Variants in PRKG1 observed in about 807,000 individuals in gnomAD.
The protein encoded by PRKG1 is cGMP-dependent protein kinase 1.
A neutral mutation model predicts 88.1 loss-of-function variants in PRKG1; 35 were observed. That is an observed-to-expected ratio of 0.40 (90% CI 0.30 to 0.53). PRKG1 has a LOEUF of 0.53. PRKG1 is among the 20% of genes least tolerant of loss of function. The pLI, the probability that PRKG1 is intolerant of heterozygous loss-of-function variation, is 0.59. For missense variants in PRKG1, 540 were observed against 839.8 expected, an observed-to-expected ratio of 0.64 and a Z score of 4.41; for synonymous variants, 303 against 292.5, an observed-to-expected ratio of 1.04 and a Z score of -0.37.
intron 5 of PRKG1, among the ~76,000 whole-genome samples, chr10:51,953,968 A>G (rs937253557): frequency 2.0e-5 from 3 of 152,148 alleles, no homozygotes; most frequent in African/African-American, 4.8e-5. Context: ...TTATTAATCC[A>G]TTTTAGGATT....
intron 3 of PRKG1, among the ~76,000 whole-genome samples, chr10:51,662,283 G>T (rs1290207868): frequency 1.3e-5 from 2 of 152,064 alleles, no homozygotes; most frequent in African/African-American, 4.8e-5. Flanking sequence ...GCATTTAATT[G>T]TGTGGATAAG....
chr10:51,488,452 A>G (rs1840607657), intron 3 of PRKG1, among the ~76,000 whole-genome samples: 1 of 152,154 alleles, frequency 6.6e-6, no homozygotes, highest in Admixed American at 6.6e-5. Flanking sequence ...ATTACATTTC[A>G]GGAATTAGAT....
chr10:51,628,965 CA>C (rs199634329), intron 3 of PRKG1, among the ~76,000 whole-genome samples: 19 of 98,442 alleles, frequency 1.9e-4, no homozygotes, highest in Admixed American at 5.8e-4. Flanking sequence ...GACTCCGTCT[CA>C]AAAAAAAAAA....
chr10:51,086,755 A>G (rs919170400), intron 1 of PRKG1, among the ~76,000 whole-genome samples: 1 of 152,148 alleles, frequency 6.6e-6, no homozygotes, highest in Non-Finnish European at 1.5e-5. Context: ...AACACTGATC[A>G]TCAAAGAGGA....
chr10:52,024,991 CTT>C lies in PRKG1; in HGVS notation c.763-29492_763-29491del, dbSNP rs886377918. ...TTTCTCCACATCCTCTCCAACATCTCTTGTTTCCGGACTTTTTAATGATCGCC... is the reference window on the plus strand; with the variant it reads ...TTTCTCCACATCCTCTCCAACATCTCGTTTCCGGACTTTTTAATGATCGCC... On this transcript the variant is annotated intron_variant, in intron 5 of 17. Transcript: ENST00000373980. Among the ~76,000 whole-genome samples the C allele has an allele frequency of 1.3e-3, 191 of 152,194 alleles. 1 individual carries two copies. Among genetic ancestry groups the C allele is most frequent in the African/African-American group, 4.5e-3 (185 of 41,536 alleles).
intron 1 of PRKG1, among the ~76,000 whole-genome samples, chr10:51,025,707 A>C (rs936392445): frequency 2.0e-5 from 3 of 152,134 alleles, no homozygotes; most frequent in Non-Finnish European, 4.4e-5. Flanking sequence ...GTCAGGCTGA[A>C]ACTGTTCCAG....
rs1055653430 is a variant in PRKG1 at position 52,260,439 on chromosome 10, T to G, written c.1173+8773T>G. ...CCACATGTCAGAAAGAGAGTTGAAT[T>G]TCACAGTATGTGATCCTCTGTTTCA... On this transcript the variant is annotated intron_variant, in intron 10 of 17. Coordinates refer to ENST00000373980, the MANE Select transcript of PRKG1 (RefSeq NM_006258.4). Among the ~76,000 whole-genome samples the G allele has an allele frequency of 3.5e-4, 53 of 152,126 alleles. 1 individual carries two copies. Among genetic ancestry groups the G allele is most frequent in the Admixed American group, 1.3e-4 (2 of 15,234 alleles).
intron 1 of PRKG1, among the ~76,000 whole-genome samples, chr10:51,011,010 A>T (rs901830398): frequency 2.0e-5 from 3 of 152,212 alleles, no homozygotes; most frequent in African/African-American, 7.2e-5. Context: ...CAGGGGTTGA[A>T]GGATAATTAT....
chr10:52,063,460 C>T (rs11000655), intron 7 of PRKG1, among the ~76,000 whole-genome samples: 2 of 152,096 alleles, frequency 1.3e-5, no homozygotes, highest in South Asian at 4.1e-4. Context: ...TCTGGGCCCC[C>T]CAAAGGGCTG....
intron 2 of PRKG1, among the ~76,000 whole-genome samples, chr10:51,290,725 C>G (rs914617505): frequency 6.6e-6 from 1 of 152,054 alleles, no homozygotes; most frequent in African/African-American, 2.4e-5. Context: ...GGCAGTCTAC[C>G]AAAGACATTT....
intron 2 of PRKG1, among the ~76,000 whole-genome samples, chr10:51,255,745 T>A (rs1475662176): frequency 6.6e-6 from 1 of 152,118 alleles, no homozygotes; most frequent in Non-Finnish European, 1.5e-5. Context: ...ATGCCAGAGA[T>A]GAGCAAATAC....
chr10:52,133,301 T>C (rs189771890), intron 7 of PRKG1, among the ~76,000 whole-genome samples: 149 of 152,214 alleles, frequency 9.8e-4, no homozygotes, highest in East Asian at 5.0e-3. Context: ...TGTCAAATGC[T>C]CTTGAAGAAC....
intron 3 of PRKG1, among the ~76,000 whole-genome samples, chr10:51,676,569 C>A (rs1025508881): frequency 6.6e-6 from 1 of 151,930 alleles, no homozygotes; most frequent in Non-Finnish European, 1.5e-5. Context: ...AGTGAAGAAC[C>A]AATCAGCAGC....
At chr10:51,895,529 T>C (rs1430073601) in intron 4 of PRKG1, among the ~76,000 whole-genome samples, 1 of 152,140 alleles carries the variant, frequency 6.6e-6, no homozygotes, top group Non-Finnish European at 1.5e-5. Flanking sequence ...TTCTGTGTGT[T>C]TGGAGTGGAC....
chr10:51,257,535 G>A (rs932847727), intron 2 of PRKG1, among the ~76,000 whole-genome samples: 2 of 152,154 alleles, frequency 1.3e-5, no homozygotes, highest in South Asian at 2.1e-4. Flanking sequence ...CAGGAACAGC[G>A]CTGGCTTTAG....
At chr10:52,121,863 C>A (rs2132612717) in intron 7 of PRKG1, among the ~76,000 whole-genome samples, 1 of 152,292 alleles carries the variant, frequency 6.6e-6, no homozygotes, top group Non-Finnish European at 1.5e-5. Context: ...CTGTTCACAG[C>A]AGTCTCGATT....
chr10:51,996,429 T>C (rs1844445510), intron 5 of PRKG1, among the ~76,000 whole-genome samples: 1 of 147,070 alleles, frequency 6.8e-6, no homozygotes. Flanking sequence ...CTCAACTCAA[T>C]AGTAATAAAG....
chr10:52,258,539 G>T (rs768352311), intron 10 of PRKG1, among the ~76,000 whole-genome samples: 28 of 151,812 alleles, frequency 1.8e-4, no homozygotes, highest in Non-Finnish European at 2.9e-4. Context: ...TATATATGTG[G>T]TTTAAGGCCA....
At position 51,126,420 on chromosome 10, in the gene PRKG1, T is replaced by TATATTCATATATTTATATAA. The variant is rs1201320166; in HGVS notation, c.312-26724_312-26705dup. 9.3e-3 allele frequency among the ~76,000 whole-genome samples: 1,315 copies of TATATTCATATATTTATATAA among 140,820 alleles called. 13 individuals carry two copies. The highest frequency in any genetic ancestry group is 0.016 in the Non-Finnish European group (1,053 of 65,562). The allele number at this position is 140,820 out of a possible 152,430, so 92.4% of individuals were successfully genotyped here. ...TATTTATATATTTATATATAATTCA[T>TATATTCATATATTTATATAA]ATATTCATATATTTATATAAATATT... is the stretch of plus-strand genomic sequence containing the variant. On this transcript the variant is annotated intron_variant, in intron 1 of 17. Transcript: ENST00000373980.
Sources: allele counts gnomAD v4.1 joint callset (sites outside exome capture counted in the v4.1 genomes callset), GRCh38; gene constraint gnomAD v4.1.1; transcripts MANE v1.5; gene names NCBI Gene and HGNC (gene_info 2026-07-23, HGNC 2026-07-21).